KMT2B: variants seen among roughly 807,000 people sequenced by gnomAD.
KMT2B encodes histone-lysine N-methyltransferase 2B.
A neutral mutation model predicts 255.3 loss-of-function variants in KMT2B; 22 were observed. The observed-to-expected ratio is 0.09, with a 90% confidence interval of 0.06 to 0.12. KMT2B has a LOEUF of 0.12. Among genes scored for constraint, KMT2B ranks in the 10% least tolerant of loss-of-function variants. KMT2B has a pLI of 1.00. For missense variants in KMT2B, 3,149 were observed against 3,737.0 expected (o/e 0.84, Z 4.10); for synonymous variants, 1,730 against 1,498.1 (o/e 1.15, Z -3.57).
intron 30 of KMT2B, 174 bp from the exon 31 acceptor site, chr19:35,736,516 T>C: frequency 1.4e-6 from 1 of 715,178 alleles, no homozygotes; most frequent in South Asian, 1.9e-5. Context: ...GGAAGAAATG[T>C]CCATTCTGCA....
Position 35,728,904 on chromosome 19 carries a change from G to A in KMT2B, c.4687+15G>A, listed in dbSNP as rs770741992. The A allele has an allele frequency of 1.9e-6, 3 of 1,612,850 alleles. No homozygotes were observed. Among genetic ancestry groups the A allele is most frequent in the South Asian group, 1.1e-5 (1 of 91,072 alleles). ...TCCCTCAGCAGGTACTGGGAAGTGG[G>A]GGTCCAGAAGCCAGGGCCCTGTGTT... On this transcript the variant is annotated intron_variant, in intron 20 of 36. Transcript: ENST00000420124.
chr19:35,721,891 C>T, intron 3 of KMT2B, 87 bp downstream of exon 3: 2 of 1,438,748 alleles, frequency 1.4e-6, no homozygotes, highest in Non-Finnish European at 1.8e-6. Context: ...TCCTTGGACA[C>T]TTTCCAGCAT....
Position 35,721,227 on chromosome 19 carries a change from C to CG in KMT2B, c.1880_1881insG (p.Pro628SerfsTer48). On this transcript the variant is annotated frameshift_variant, in exon 3 of 37. Transcript: ENST00000420124. LOFTEE classifies it high-confidence loss of function. ...CCCCCTCCTCCCCCAGCCCCTCCACCTCCCCCGGCCCCCTCCCCACCCCCT... is the reference window on the plus strand; with the variant it reads ...CCCCCTCCTCCCCCAGCCCCTCCACCGTCCCCCGGCCCCCTCCCCACCCCCT... 1 of 1,470,852 alleles carries CG rather than the reference C, an allele frequency of 6.8e-7. No homozygotes were observed. Among genetic ancestry groups the CG allele is most frequent in the Non-Finnish European group, 9.2e-7 (1 of 1,090,432 alleles). The allele number at this position is 1,470,852 out of a possible 1,614,324, so 91.1% of individuals were successfully genotyped here. A position where few individuals can be genotyped will look rare whatever the true frequency, so the allele number is the denominator to read the frequency against.
chr19:35,722,713 C>A lies in KMT2B; in HGVS notation c.2717C>A (p.Thr906Lys). 1.3e-6 allele frequency: 2 copies of A among 1,596,786 alleles called. No individual in the cohort carries two copies. Among genetic ancestry groups the A allele is most frequent in the Non-Finnish European group, 1.7e-6 (2 of 1,171,350 alleles). ...CTCCGGGATCGGCAGGACCTCGCCA[C>A]AGAGGGTAGGTGGGGAGACTGGACA... ...LPLRDRQDLA[T>K]EDTSSASETE... Residue 906 changes from threonine to lysine, a missense_variant, in exon 5 of 37, where the codon ACA becomes AAA. This residue lies in a region of KMT2B where 132 missense variants were observed against 174.7 expected (regional missense o/e 0.76). Coordinates refer to ENST00000420124, the MANE Select transcript of KMT2B (RefSeq NM_014727.3).
At position 35,733,333 on chromosome 19, in the gene KMT2B, C is replaced by T. The variant is rs1425561379; in HGVS notation, c.6784C>T (p.Leu2262=). ...APPPPPPPLT[L]VLSSGPASPP... is the part of the protein sequence containing the mutation. ...GCCCCCGCCACCCCCTCCCCTGACGCTGGTGCTGAGCAGTGGGCCAGCCAG... is the reference window on the plus strand; with the variant it reads ...GCCCCCGCCACCCCCTCCCCTGACGTTGGTGCTGAGCAGTGGGCCAGCCAG... Residue 2262 remains leucine, a synonymous_variant, in exon 28 of 37, where the codon CTG becomes TTG. Transcript: ENST00000420124. The surrounding 1 kb of genome is among the most constrained non-coding windows in gnomAD (Gnocchi z 4.3). The T allele has an allele frequency of 6.5e-6, 10 of 1,540,132 alleles. No individual in the cohort carries two copies. The highest frequency in any genetic ancestry group is 1.2e-5 in the South Asian group (1 of 83,776).
In KMT2B at chr19:35,727,584, A is replaced by G. The variant is rs1969511741; in HGVS notation, c.4264A>G (p.Ser1422Gly). ...GLRQVLQGLL[S>G]SKVVGPLLLC... is the part of the protein sequence containing the mutation. ...GCGCCAGGTGCTCCAGGGCCTGCTG[A>G]GCTCCAAGGTGGTGGGCCCACTGCT... Residue 1422 changes from serine to glycine, a missense_variant, in exon 16 of 37, where the codon AGC (serine) becomes GGC (glycine). Physicochemically the swap from Ser to Gly is moderately conservative, Grantham distance 56. Coordinates refer to ENST00000420124, the MANE Select transcript of KMT2B (RefSeq NM_014727.3). This position sits in a 1 kb window ranked among gnomAD's most constrained non-coding sequence, Gnocchi z 4.2. 6.2e-7 allele frequency: 1 copy of G among 1,605,838 alleles called. No individual in the cohort carries two copies. Among genetic ancestry groups the G allele is most frequent in the South Asian group, 1.1e-5 (1 of 90,874 alleles).
chr19:35,725,270 C>T lies in KMT2B; in HGVS notation c.3579C>T (p.Leu1193=), dbSNP rs202127455. 1.5e-5 allele frequency: 24 copies of T among 1,597,178 alleles called. No individual in the cohort carries two copies. The East Asian group carries it at 5.4e-4, about 36-fold the overall frequency. The change falls in exon 11 of 37, where the codon CTC becomes CTT. Residue 1193 remains leucine, a synonymous_variant. Transcript: ENST00000420124. The surrounding 1 kb of genome is among the most constrained non-coding windows in gnomAD (Gnocchi z 4.1). Reference sequence around the variant, plus strand: ...GGCTGATGGGGGGCCTGAGTGTGCTCACCTCTGTGCCAGGGGGCCCCCCGA... The same window carrying T: ...GGCTGATGGGGGGCCTGAGTGTGCTTACCTCTGTGCCAGGGGGCCCCCCGA... ...NVWLMGGLSV[L]TSVPGGPPMV...
Position 35,718,027 on chromosome 19 carries a change from G to A in KMT2B, c.9G>A (p.Ala3=). Residue 3 remains alanine, a synonymous_variant, in exon 1 of 37, where the codon GCG becomes GCA. Transcript: ENST00000420124. The surrounding 1 kb of genome is among the most constrained non-coding windows in gnomAD (Gnocchi z 5.0). MA[A]AAGGGSCPGP... is the part of the protein sequence containing the mutation. Reference sequence around the variant, plus strand: ...CCTCTCACGGTGCCAAGATGGCGGCGGCGGCGGGCGGCGGCAGTTGCCCCG... The same window carrying A: ...CCTCTCACGGTGCCAAGATGGCGGCAGCGGCGGGCGGCGGCAGTTGCCCCG... 1 of 985,150 alleles carries A rather than the reference G, an allele frequency of 1.0e-6. No homozygotes were observed. Among genetic ancestry groups the A allele is most frequent in the Non-Finnish European group, 1.2e-6 (1 of 830,794 alleles). The allele number at this position is 985,150 out of a possible 1,614,324, so 61.0% of individuals were successfully genotyped here.
chr19:35,723,824 G>T lies in KMT2B; in HGVS notation c.3151G>T (p.Ala1051Ser), dbSNP rs765448731. 4.4e-6 allele frequency: 7 copies of T among 1,595,782 alleles called. No individual in the cohort carries two copies. The African/African-American group carries it at 9.4e-5, about 21-fold the overall frequency. ...GPPGPRRGAGAGGPREEVVAH... is the reference protein window; with the variant it reads ...GPPGPRRGAGSGGPREEVVAH... The stretch of plus-strand genomic sequence containing the variant: ...TCCAGGCCCACGCCGGGGGGCGGGA[G>T]CTGGGGGGCCCCGGGAGGAGGTGGT... Residue 1051 changes from alanine to serine, a missense_variant, in exon 8 of 37, where the codon GCT becomes TCT. Physicochemically the swap from Ala to Ser is moderately conservative, Grantham distance 99 (BLOSUM62 1). Coordinates refer to ENST00000420124, the MANE Select transcript of KMT2B (RefSeq NM_014727.3). This position sits in a 1 kb window ranked among gnomAD's most constrained non-coding sequence, Gnocchi z 7.5.
Position 35,738,173 on chromosome 19 carries a change from G to A in KMT2B, c.7854G>A (p.Glu2618=). Residue 2618 remains glutamate, a synonymous_variant, in exon 36 of 37, where the codon GAG becomes GAA. Transcript: ENST00000420124. This position sits in a 1 kb window ranked among gnomAD's most constrained non-coding sequence, Gnocchi z 8.7. ...GCTCGGTGTTGACTGACAAGCGGGA[G>A]AAGTTCTACGATGGGAAGGTGGGCT... ...VIRSVLTDKR[E]KFYDGKGIGC... is the part of the protein sequence containing the mutation. 1 of 1,613,874 alleles carries A rather than the reference G, an allele frequency of 6.2e-7. No homozygotes were observed. Among genetic ancestry groups the A allele is most frequent in the Non-Finnish European group, 8.5e-7 (1 of 1,179,864 alleles).
chr19:35,736,834 G>C lies in KMT2B; in HGVS notation c.7297+7G>C, dbSNP rs201555369. On this transcript the variant is annotated splice_region_variant and intron_variant, in intron 31 of 36. Coordinates refer to ENST00000420124, the MANE Select transcript of KMT2B (RefSeq NM_014727.3). ...GAGGCAGAGAGCTTGGAGGGTGAGTGGGGGGAGTGCAGTGGCAGGAGGGAG... is the reference window on the plus strand; with the variant it reads ...GAGGCAGAGAGCTTGGAGGGTGAGTCGGGGGAGTGCAGTGGCAGGAGGGAG... 1,040 of 1,613,906 alleles carry C rather than the reference G, an allele frequency of 6.4e-4. 1 individual carries two copies. Among genetic ancestry groups the C allele is most frequent in the Non-Finnish European group, 8.5e-4 (1,003 of 1,179,832 alleles).
In KMT2B at chr19:35,733,897, C is replaced by T. The variant is rs1450030917; in HGVS notation, c.7159+25C>T. 30 of 1,543,054 alleles carry T rather than the reference C, an allele frequency of 1.9e-5. No individual in the cohort carries two copies. The highest frequency in any genetic ancestry group is 5.7e-5 in the South Asian group (5 of 88,066). ...GGTAGGGACCGGCCTTGCCCTCTCC[C>T]TCCTTGCCTGTGCCTGGCTCAGCTG... is the stretch of plus-strand genomic sequence containing the variant. On this transcript the variant is annotated intron_variant, in intron 30 of 36. Transcript: ENST00000420124. This position sits in a 1 kb window ranked among gnomAD's most constrained non-coding sequence, Gnocchi z 4.3.
chr19:35,722,268 G>A, intron 3 of KMT2B, 91 bp from the exon 4 acceptor site: 2 of 1,333,044 alleles, frequency 1.5e-6, no homozygotes, highest in Non-Finnish European at 2.0e-6. Context: ...CTCCCAAAGT[G>A]CTGGGATTAC....
In KMT2B at chr19:35,732,273, T is replaced by G. The variant is rs1228833520; in HGVS notation, c.5724T>G (p.Ala1908=). Reference sequence around the variant, plus strand: ...CAGTGGGAGACCCGGACTTCCCAGCTCCCCCCAGACGTTCCCGTCGTCCCA... The same window carrying G: ...CAGTGGGAGACCCGGACTTCCCAGCGCCCCCCAGACGTTCCCGTCGTCCCA... ...IPTVGDPDFP[A]PPRRSRRPSP... is the part of the protein sequence containing the mutation. Residue 1908 remains alanine (A), a synonymous_variant, in exon 28 of 37, where the codon GCT becomes GCG. Transcript: ENST00000420124. 2.5e-6 allele frequency: 4 copies of G among 1,603,550 alleles called. No individual in the cohort carries two copies. The East Asian group carries it at 6.7e-5, about 27-fold the overall frequency.
intron 14 of KMT2B, 82 bp downstream of exon 14, chr19:35,726,435 C>CT (rs1969449610): frequency 1.1e-6 from 1 of 909,292 alleles, no homozygotes; most frequent in East Asian, 2.5e-5. Context: ...CACAGACCCT[C>CT]TTTTCTCATG....
intron 5 of KMT2B, 105 bp downstream of exon 5, chr19:35,722,823 G>A: frequency 6.8e-7 from 1 of 1,463,684 alleles, no homozygotes; most frequent in Non-Finnish European, 9.1e-7. Context: ...AGGTGCTCAG[G>A]GGTTAGGTGG....
chr19:35,733,758 C>T lies in KMT2B; in HGVS notation c.7050-5C>T, dbSNP rs761808199. The stretch of plus-strand genomic sequence containing the variant: ...TTCCCCTTCCTGACAGGTCTCTTCT[C>T]GCAGGCCCCTCCAGGAACGGTCCCC... On this transcript the variant is annotated splice_region_variant and splice_polypyrimidine_tract_variant and intron_variant, in intron 29 of 36. Coordinates refer to ENST00000420124, the MANE Select transcript of KMT2B (RefSeq NM_014727.3). This position sits in a 1 kb window ranked among gnomAD's most constrained non-coding sequence, Gnocchi z 4.3. The T allele has an allele frequency of 9.9e-6, 16 of 1,612,316 alleles. No homozygotes were observed. The highest frequency in any genetic ancestry group is 1.7e-5 in the Admixed American group (1 of 59,894).
At chr19:35,728,391 G>A (rs1427768616) in intron 19 of KMT2B, among the ~76,000 whole-genome samples, 5 of 152,288 alleles carry the variant, frequency 3.3e-5, no homozygotes, top group Non-Finnish European at 4.4e-5. Flanking sequence ...AGCAGTGAGC[G>A]AATCAGATTG....
rs1014333801 is a variant in KMT2B, at chr19:35,737,701, C to T, written c.7616C>T (p.Thr2539Ile). Residue 2539 changes from threonine to isoleucine, a missense_variant, in exon 34 of 37, where the codon ACC (threonine) becomes ATC (isoleucine). This residue lies in a region of KMT2B where 103 missense variants were observed against 200.7 expected (regional missense o/e 0.51). Transcript: ENST00000420124. This position sits in a 1 kb window ranked among gnomAD's most constrained non-coding sequence, Gnocchi z 5.3. Reference protein sequence around the residue: ...SQHRVLPEGATCDEEEDEVQL... With the variant: ...SQHRVLPEGAICDEEEDEVQL... Reference sequence around the variant, plus strand: ...CACCGGGTGCTCCCTGAGGGGGCCACCTGTGATGAGGAAGAGGATGAGGTG... The same window carrying T: ...CACCGGGTGCTCCCTGAGGGGGCCATCTGTGATGAGGAAGAGGATGAGGTG... The T allele has an allele frequency of 1.3e-6, 2 of 1,584,472 alleles. No homozygotes were observed. The highest frequency in any genetic ancestry group is 1.8e-5 in the Admixed American group (1 of 55,542).
Sources: allele counts gnomAD v4.1 joint callset (sites outside exome capture counted in the v4.1 genomes callset), GRCh38; gene constraint gnomAD v4.1.1; regional missense constraint gnomAD v4.1.1; non-coding constraint Gnocchi (gnomAD v3.1); transcripts MANE v1.5; gene names NCBI Gene and HGNC (gene_info 2026-07-23, HGNC 2026-07-21).